SLC22A23: variants seen among roughly 807,000 people sequenced by gnomAD.
The protein encoded by SLC22A23 is ion transporter protein.
In SLC22A23, 26 loss-of-function variants were observed where a neutral mutation model predicts 61.0. The observed-to-expected ratio is 0.43, with a 90% CI of 0.31 to 0.59. The LOEUF (loss-of-function observed/expected upper bound fraction) is 0.59, where lower values mean the gene tolerates loss of function less well. SLC22A23 is among the 20% of genes least tolerant of loss of function. The probability of loss-of-function intolerance (pLI) is 0.11; values close to 1 mark genes in which losing one functional copy is unlikely to be tolerated. For synonymous variants in SLC22A23, 430 were observed against 413.9 expected, an observed-to-expected ratio of 1.04 and a Z score of -0.47; for missense variants, 796 against 934.7, an observed-to-expected ratio of 0.85 and a Z score of 1.94.
intron 5 of SLC22A23, among the ~76,000 whole-genome samples, chr6:3,292,773 C>T (rs1012056298): frequency 6.6e-6 from 1 of 152,224 alleles, no homozygotes; most frequent in Non-Finnish European, 1.5e-5. Context: ...TTGCTCTGAG[C>T]CCAGCTGCTC....
intron 3 of SLC22A23, among the ~76,000 whole-genome samples, chr6:3,371,882 A>G (rs948403174): frequency 2.6e-5 from 4 of 152,152 alleles, no homozygotes; most frequent in African/African-American, 9.7e-5. Flanking sequence ...ACCAAGAAAG[A>G]AAAAGCTGCG....
rs778870347 is a variant in SLC22A23 at position 3,283,753 on chromosome 6, CAG to C, written c.1703+97_1703+98del. ...AAGCTGATGTGTCCAGAGCCAGAGA[CAG>C]AGCTGACGCTGGTTAATCCCACACC... On this transcript the variant is annotated intron_variant, in intron 9 of 9. Transcript: ENST00000406686. 2.5e-6 allele frequency: 4 copies of C among 1,570,934 alleles called. No homozygotes were observed. In the Admixed American group the frequency reaches 7.0e-5, roughly 27 times the overall value.
intron 3 of SLC22A23, among the ~76,000 whole-genome samples, chr6:3,359,371 A>G (rs968361233): frequency 7.2e-5 from 11 of 152,242 alleles, no homozygotes; most frequent in African/African-American, 2.7e-4. Flanking sequence ...TATCCATCTG[A>G]GTGCAAGTTT....
intron 3 of SLC22A23, among the ~76,000 whole-genome samples, chr6:3,337,101 C>A (rs1329793166): frequency 6.6e-6 from 1 of 152,232 alleles, no homozygotes; most frequent in Non-Finnish European, 1.5e-5. Flanking sequence ...AGCCACCACT[C>A]CTGGCAGACT....
rs368310076 is a variant in SLC22A23 at position 3,308,840 on chromosome 6, G to A, written c.1083-10622C>T. 2.6e-5 allele frequency among the ~76,000 whole-genome samples: 4 copies of A among 152,024 alleles called. No homozygotes were observed. In the East Asian group the frequency reaches 7.7e-4, roughly 29 times the overall value. On this transcript the variant is annotated intron_variant, in intron 4 of 9. Transcript: ENST00000406686. This position sits in a 1 kb window ranked among gnomAD's most constrained non-coding sequence, Gnocchi z 5.1. ...GGCCTGTAATCCCAGCTACTCAGGA[G>A]TCTAAGGCAGGAGAATCACTTGAAC...
At chr6:3,402,271 C>T (rs765521645) in intron 3 of SLC22A23, among the ~76,000 whole-genome samples, 3 of 152,206 alleles carry the variant, frequency 2.0e-5, no homozygotes, top group Non-Finnish European at 2.9e-5. Context: ...CAGCCTGAGA[C>T]ATTTCTCCAA....
intron 3 of SLC22A23, among the ~76,000 whole-genome samples, chr6:3,373,194 C>T (rs1185256786): frequency 6.6e-6 from 1 of 152,228 alleles, no homozygotes; most frequent in Non-Finnish European, 1.5e-5. Context: ...CACAAAACCC[C>T]CCGGGCACTA....
At chr6:3,445,679 T>C (rs1771858522) in intron 1 of SLC22A23, among the ~76,000 whole-genome samples, 1 of 151,982 alleles carries the variant, frequency 6.6e-6, no homozygotes, top group Non-Finnish European at 1.5e-5. Context: ...TGAGCTGACC[T>C]GAGGGATGAG....
intron 1 of SLC22A23, chr6:3,439,442 G>C: frequency 5.5e-6 from 2 of 363,916 alleles, no homozygotes; most frequent in Non-Finnish European, 1.1e-5. Flanking sequence ...GTGAAGAAAA[G>C]GCTCTGTGAC....
At chr6:3,413,727 G>A (rs1320356090) in intron 2 of SLC22A23, among the ~76,000 whole-genome samples, 1 of 152,208 alleles carries the variant, frequency 6.6e-6, no homozygotes, top group Admixed American at 6.5e-5. Context: ...CCATGAAACA[G>A]GGCCCATAGC....
chr6:3,438,208 C>A (rs1358595036), intron 1 of SLC22A23, among the ~76,000 whole-genome samples: 1 of 152,212 alleles, frequency 6.6e-6, no homozygotes, highest in Admixed American at 6.5e-5. Flanking sequence ...AAGTCCAGGG[C>A]CAAGAGAGTG....
chr6:3,426,145 T>A (rs1363745476), intron 1 of SLC22A23, among the ~76,000 whole-genome samples: 2 of 152,240 alleles, frequency 1.3e-5, no homozygotes, highest in African/African-American at 4.8e-5. Flanking sequence ...GTATCTTTTT[T>A]AAATAGAATT....
intron 3 of SLC22A23, among the ~76,000 whole-genome samples, chr6:3,345,363 C>CT (rs1163840651): frequency 0.39 from 49,273 of 124,792 alleles, 10,469 homozygotes; most frequent in Middle Eastern, 0.42. Flanking sequence ...TATCTCTTTT[C>CT]TTTTTTTTTT....
chr6:3,410,388 C>A lies in SLC22A23; in HGVS notation c.759-46G>T. On this transcript the variant is annotated intron_variant, in intron 2 of 9. Coordinates refer to ENST00000406686, the MANE Select transcript of SLC22A23 (RefSeq NM_015482.2). This position sits in a 1 kb window ranked among gnomAD's most constrained non-coding sequence, Gnocchi z 5.0. ...AGTTAGGAATCATTGTGAAACAAGA[C>A]AATGACGCTAGATGCTGAAACCCGG... is the stretch of plus-strand genomic sequence containing the variant. 6.6e-7 allele frequency: 1 copy of A among 1,526,716 alleles called. No individual in the cohort carries two copies. Among genetic ancestry groups the A allele is most frequent in the Non-Finnish European group, 8.8e-7 (1 of 1,134,992 alleles). The allele number at this position is 1,526,716 out of a possible 1,614,324, so 94.6% of individuals were successfully genotyped here. A position where few individuals can be genotyped will look rare whatever the true frequency, so the allele number is the denominator to read the frequency against.
At chr6:3,275,169 C>T (rs776151126) in intron 9 of SLC22A23, among the ~76,000 whole-genome samples, 19 of 152,184 alleles carry the variant, frequency 1.2e-4, no homozygotes, top group Non-Finnish European at 2.2e-4. Flanking sequence ...CTAACCTTCA[C>T]ATTTATGGTC....
chr6:3,337,891 T>C (rs529989316), intron 3 of SLC22A23, among the ~76,000 whole-genome samples: 4 of 152,316 alleles, frequency 2.6e-5, no homozygotes, highest in East Asian at 1.9e-4. Flanking sequence ...TTGAAGGCAA[T>C]TGGAGAAAGA....
In SLC22A23 at chr6:3,455,942, G is replaced by T; in HGVS notation, c.618C>A (p.Gly206=). 6.6e-7 allele frequency: 1 copy of T among 1,525,698 alleles called. No homozygotes were observed. The highest frequency in any genetic ancestry group is 8.8e-7 in the Non-Finnish European group (1 of 1,130,124). The allele number at this position is 1,525,698 out of a possible 1,614,324, so 94.5% of individuals were successfully genotyped here. The change falls in exon 1 of 10, where the codon GGC becomes GGA. Residue 206 remains glycine (G), a synonymous_variant. Coordinates refer to ENST00000406686, the MANE Select transcript of SLC22A23 (RefSeq NM_015482.2). ...CGTTCTGGACGAGGCCGGCGCGGAT[G>T]CCGTAGTCCCATGCGCGGCAGTCAC... The part of the protein sequence containing the change: ...SNCDCRAWDY[G]IRAGLVQNVV...
intron 3 of SLC22A23, among the ~76,000 whole-genome samples, chr6:3,404,296 T>G (rs142684108): frequency 6.6e-6 from 1 of 152,360 alleles, no homozygotes; most frequent in East Asian, 1.9e-4. Context: ...AGCTACATGT[T>G]TTCTTGCACA....
chr6:3,361,554 G>C (rs1765449389), intron 3 of SLC22A23, among the ~76,000 whole-genome samples: 1 of 152,216 alleles, frequency 6.6e-6, no homozygotes, highest in Non-Finnish European at 1.5e-5. Context: ...AAACTCTGGG[G>C]TTCGACTCTC....
Sources: gnomAD v4.1 joint callset for allele counts (sites outside exome capture counted in the v4.1 genomes callset) on GRCh38, gnomAD v4.1.1 for gene constraint, Gnocchi (gnomAD v3.1) non-coding constraint, MANE v1.5 for transcripts, NCBI Gene and HGNC (gene_info 2026-07-23, HGNC 2026-07-21) for gene names.